The following BAZ2B variants were observed in gnomAD, a reference collection of about 807,000 sequenced individuals.
BAZ2B encodes the protein bromodomain adjacent to zinc finger domain protein 2B.
BAZ2B carries 91 observed loss-of-function variants against 246.0 expected under a neutral mutation model. The ratio of observed to expected loss-of-function variants is 0.37; its 90% CI spans 0.31 to 0.44. BAZ2B has a LOEUF of 0.44. BAZ2B is among the 20% of genes least tolerant of loss of function. The pLI, the probability that BAZ2B is intolerant of heterozygous loss-of-function variation, is 1.00. For synonymous variants in BAZ2B, 855 were observed against 860.0 expected (o/e 0.99, Z 0.10); for missense variants, 2,332 against 2,533.7 (o/e 0.92, Z 1.71).
intron 9 of BAZ2B, among the ~76,000 whole-genome samples, chr2:159,432,380 TGAC>T (rs965100191): frequency 8.7e-6 from 1 of 115,288 alleles, no homozygotes; most frequent in Non-Finnish European, 2.3e-5. Flanking sequence ...ACTTTCTGAA[TGAC>T]GACTATAATT....
chr2:159,413,788 CTG>C (rs1302262370), intron 13 of BAZ2B, among the ~76,000 whole-genome samples: 2 of 152,096 alleles, frequency 1.3e-5, no homozygotes, highest in Admixed American at 6.6e-5. Context: ...TGAGCAATGA[CTG>C]AGAGTTGATG....
At chr2:159,636,914 C>T in the BAZ2B span, among the ~76,000 whole-genome samples, 1,586 of 152,266 alleles carry the variant, frequency 0.01, 16 homozygotes, top group Middle Eastern at 0.059. Flanking sequence ...GCACTAGCTT[C>T]CAGATGACAT....
At chr2:159,537,032 T>TA (rs2086081925) in intron 2 of BAZ2B, among the ~76,000 whole-genome samples, 1 of 152,018 alleles carries the variant, frequency 6.6e-6, no homozygotes, top group African/African-American at 2.4e-5. Context: ...AATGAGTAAA[T>TA]AAAATATGGC....
chr2:159,690,673 G>T, the BAZ2B span, among the ~76,000 whole-genome samples: 1 of 152,026 alleles, frequency 6.6e-6, no homozygotes, highest in Admixed American at 6.6e-5. Context: ...TCATTTTTGT[G>T]TGCCAAAAAG....
At chr2:159,585,436 T>C (rs961013817) in intron 1 of BAZ2B, among the ~76,000 whole-genome samples, 1 of 152,228 alleles carries the variant, frequency 6.6e-6, no homozygotes, top group African/African-American at 2.4e-5. Context: ...TAAAAAAATA[T>C]GGCAAATGAA....
chr2:159,590,286 A>G (rs1484843140), intron 1 of BAZ2B, among the ~76,000 whole-genome samples: 1 of 148,616 alleles, frequency 6.7e-6, no homozygotes, highest in African/African-American at 2.5e-5. Flanking sequence ...AAAAAAAAAA[A>G]AGTAAAAATG....
At chr2:159,664,651 GT>G in the BAZ2B span, among the ~76,000 whole-genome samples, 1 of 47,936 alleles carries the variant, frequency 2.1e-5, no homozygotes, top group African/African-American at 8.9e-5. Flanking sequence ...TTCTTCATGT[GT>G]TTTTTGGCTG....
Position 159,453,623 on chromosome 2 carries a change from T to A in BAZ2B, c.324A>T (p.Ala108=). 6.2e-7 allele frequency: 1 copy of A among 1,605,692 alleles called. No individual in the cohort carries two copies. Among genetic ancestry groups the A allele is most frequent in the Non-Finnish European group, 8.5e-7 (1 of 1,176,086 alleles). ...GTAACAGATGTTTACCTGGAAAAGA[T>A]GCTAGTTGGGGATGTGCGGCTAAGG... The part of the protein sequence containing the change: ...PTALAAHPQL[A]SFPGAEWWRT... The change falls in exon 4 of 37, where the codon GCA becomes GCT. Residue 108 remains alanine (A), a synonymous_variant. Coordinates refer to ENST00000392783, the MANE Select transcript of BAZ2B (RefSeq NM_013450.4).
In BAZ2B at chr2:159,446,787, CTTTGAT is replaced by C. The variant is rs779244740; in HGVS notation, c.685_690del (p.Ile229_Lys230del). ...TCCTTCCAAGTACAACTTACCTTAT[CTTTGAT>C]TTTGTCAACTCTAGCATCCAAAGGC... On this transcript the variant is annotated inframe_deletion, in exon 6 of 37. Transcript: ENST00000392783. The C allele has an allele frequency of 6.2e-7, 1 of 1,604,958 alleles. No individual in the cohort carries two copies. The highest frequency in any genetic ancestry group is 8.5e-7 in the Non-Finnish European group (1 of 1,175,742).
chr2:159,430,985 G>T lies in BAZ2B; in HGVS notation c.2072C>A (p.Thr691Lys). 6.2e-7 allele frequency: 1 copy of T among 1,614,016 alleles called. No individual in the cohort carries two copies. The highest frequency in any genetic ancestry group is 2.2e-5 in the East Asian group (1 of 44,880). Residue 691 changes from threonine to lysine, a missense_variant, in exon 10 of 37, where the codon ACA becomes AAA. By Grantham distance (78) the Thr-to-Lys change is moderately conservative (BLOSUM62 -1). Around this residue, in one of 9 missense-constraint regions of BAZ2B, gnomAD observed 651 missense variants for 650.9 expected, o/e 1.00. Coordinates refer to ENST00000392783, the MANE Select transcript of BAZ2B (RefSeq NM_013450.4). ...TTTTGCTATGTGGAGGTTACGAGGT[G>T]TTGAGTGACCTGTGAGACTCATGGA... The part of the protein sequence containing the change: ...SPSMSLTGHS[T>K]PRNLHIAKAP...
intron 1 of BAZ2B, among the ~76,000 whole-genome samples, chr2:159,585,994 A>C (rs1173376867): frequency 1.3e-5 from 2 of 152,184 alleles, no homozygotes; most frequent in Non-Finnish European, 2.9e-5. Context: ...TACATTGCTA[A>C]CTCAGAAACT....
intron 6 of BAZ2B, among the ~76,000 whole-genome samples, chr2:159,443,672 T>C (rs1452648365): frequency 6.6e-6 from 1 of 152,172 alleles, no homozygotes; most frequent in African/African-American, 2.4e-5. Flanking sequence ...TATGCCTCAC[T>C]TGAATAGACA....
chr2:159,610,580 C>A (rs1694505062), intron 1 of BAZ2B, among the ~76,000 whole-genome samples: 1 of 148,368 alleles, frequency 6.7e-6, no homozygotes, highest in South Asian at 2.1e-4. Context: ...ACCAAATGCT[C>A]CTTTTTCTTA....
At chr2:159,535,350 C>T (rs931681905) in intron 2 of BAZ2B, among the ~76,000 whole-genome samples, 28 of 152,090 alleles carry the variant, frequency 1.8e-4, no homozygotes, top group Admixed American at 1.3e-4. Context: ...GGTGAAACCC[C>T]GTCTCCACTA....
At chr2:159,334,045 T>C (rs1029188521) in intron 33 of BAZ2B, among the ~76,000 whole-genome samples, 1 of 152,102 alleles carries the variant, frequency 6.6e-6, no homozygotes, top group Non-Finnish European at 1.5e-5. Context: ...AAGTATTCAC[T>C]GAGAAATAAC....
At chr2:159,400,718 G>A (rs911009861) in intron 16 of BAZ2B, 54 bp from the exon 17 acceptor site, 67 of 1,032,358 alleles carry the variant, frequency 6.5e-5, no homozygotes, top group Non-Finnish European at 9.5e-5. Flanking sequence ...TCTGAGTAAA[G>A]AGTATTTGAG....
chr2:159,409,075 T>C (rs532816867), intron 14 of BAZ2B, among the ~76,000 whole-genome samples: 6 of 152,188 alleles, frequency 3.9e-5, no homozygotes, highest in African/African-American at 1.2e-4. Flanking sequence ...GAATATATTA[T>C]AATTACCTTT....
intron 1 of BAZ2B, among the ~76,000 whole-genome samples, chr2:159,563,931 C>T (rs193245299): frequency 5.5e-4 from 84 of 152,276 alleles, no homozygotes; most frequent in African/African-American, 2.0e-3. Context: ...TTCTTTTGTT[C>T]ATTCAGTAAA....
intron 34 of BAZ2B, among the ~76,000 whole-genome samples, chr2:159,328,031 C>T (rs1322160608): frequency 2.2e-5 from 3 of 135,488 alleles, no homozygotes; most frequent in Non-Finnish European, 4.6e-5. Flanking sequence ...CACCACTGCA[C>T]TCCAGCTTGG....
Sources: allele counts gnomAD v4.1 joint callset (sites outside exome capture counted in the v4.1 genomes callset), GRCh38; gene constraint gnomAD v4.1.1; regional missense constraint gnomAD v4.1.1; transcripts MANE v1.5; gene names NCBI Gene and HGNC (gene_info 2026-07-23, HGNC 2026-07-21).